Variants in PRPF18 observed in about 807,000 individuals in gnomAD.
PRPF18 encodes the protein pre-mRNA processing factor 18.
A neutral mutation model predicts 46.5 loss-of-function variants in PRPF18; 38 were observed. The observed-to-expected ratio is 0.82, with a 90% CI of 0.63 to 1.07. The LOEUF is 1.07. Among genes scored for constraint, PRPF18 ranks in the 50% least tolerant of loss-of-function variants. The pLI is 0.00. For synonymous variants in PRPF18, 152 were observed against 146.7 expected (o/e 1.04, Z -0.26); for missense variants, 263 against 410.0 (o/e 0.64, Z 3.10).
In PRPF18 at chr10:13,590,121, T is replaced by A. The variant is rs975815649; in HGVS notation, c.66+2969T>A. On this transcript the variant is annotated intron_variant, in intron 1 of 9. Transcript: ENST00000378572. Reference sequence around the variant, plus strand: ...TGCACCAATCTACAAAAATGATCATTAAAAAAAAAACTTTAGATTCTTCAG... The same window carrying A: ...TGCACCAATCTACAAAAATGATCATAAAAAAAAAAACTTTAGATTCTTCAG... 2.0e-5 allele frequency among the ~76,000 whole-genome samples: 3 copies of A among 149,900 alleles called. No individual in the cohort carries two copies. In the South Asian group the frequency reaches 6.3e-4, roughly 32 times the overall value.
intron 4 of PRPF18, among the ~76,000 whole-genome samples, chr10:13,609,687 C>T (rs371596677): frequency 3.9e-5 from 6 of 152,114 alleles, no homozygotes; most frequent in Non-Finnish European, 7.4e-5. Context: ...GCTGGGCAAA[C>T]GGGTTGGGGA....
Position 13,610,037 on chromosome 10 carries a change from A to G in PRPF18, c.364-2A>G. 6.3e-7 allele frequency: 1 copy of G among 1,594,060 alleles called. No homozygotes were observed. The highest frequency in any genetic ancestry group is 8.6e-7 in the Non-Finnish European group (1 of 1,166,904). On this transcript the variant is annotated splice_acceptor_variant, in intron 4 of 9. Coordinates refer to ENST00000378572, the MANE Select transcript of PRPF18 (RefSeq NM_003675.4). LOFTEE classifies it high-confidence loss of function. ...TGTTCTTCCTTTTTTTGCTTTTCTT[A>G]GGGATTGAGGAATGATTTGAAAGCA...
chr10:13,603,081 C>T (rs1043398761), intron 3 of PRPF18, among the ~76,000 whole-genome samples: 2 of 152,152 alleles, frequency 1.3e-5, no homozygotes, highest in African/African-American at 2.4e-5. Context: ...TAAAAGACGA[C>T]GTAGTTTTAA....
the PRPF18 span, chr10:13,640,736 CAT>C: frequency 4.8e-4 from 73 of 152,688 alleles, no homozygotes; most frequent in Middle Eastern, 6.8e-3. Context: ...TTTACTCTCA[CAT>C]GTTTTTGTTG....
chr10:13,610,179 G>A lies in PRPF18; in HGVS notation c.504G>A (p.Glu168=), dbSNP rs146313611. ...KVHEENTTIE[E]LEALGESLGK... ...ATGAGGAAAACACCACAATTGAAGA[G>A]TTAGAGGTAATCTCTACACCAAGCC... The change falls in exon 5 of 10, where the codon GAG becomes GAA. Residue 168 remains glutamate, a synonymous_variant. Transcript: ENST00000378572. 2.5e-5 allele frequency: 41 copies of A among 1,613,778 alleles called. No homozygotes were observed. In the African/African-American group the frequency reaches 4.4e-4, roughly 17 times the overall value.
chr10:13,611,589 C>G (rs1180644676), intron 5 of PRPF18, 26 bp from the exon 6 acceptor site: 1 of 1,597,148 alleles, frequency 6.3e-7, no homozygotes, highest in East Asian at 2.2e-5. Context: ...TATTAATGAA[C>G]AGAAGCATTG....
intron 1 of PRPF18, among the ~76,000 whole-genome samples, chr10:13,588,965 C>T (rs1008833642): frequency 2.6e-5 from 4 of 152,166 alleles, no homozygotes; most frequent in Non-Finnish European, 5.9e-5. Flanking sequence ...ACTCACTGAT[C>T]GATCATTTGG....
At chr10:13,621,149 TAAGGG>T (rs987297593) in intron 9 of PRPF18, among the ~76,000 whole-genome samples, 1 of 152,162 alleles carries the variant, frequency 6.6e-6, no homozygotes, top group Non-Finnish European at 1.5e-5. Context: ...TTGTCAAAAA[TAAGGG>T]AAGGAAGGTA....
chr10:13,635,991 C>T, the PRPF18 span, among the ~76,000 whole-genome samples: 11 of 151,970 alleles, frequency 7.2e-5, no homozygotes. Flanking sequence ...ATAGAAGAAC[C>T]GAGAACAGAA....
Position 13,630,461 on chromosome 10 carries a change from C to T in PRPF18, c.*121C>T. On this transcript the variant is annotated 3_prime_UTR_variant, in exon 10 of 10. Transcript: ENST00000378572. ...GGAGTTTCCAGTCTCTGAGTTCTAC[C>T]TGATGTAACTCTTGATTGGTTTTAA... The T allele has an allele frequency of 1.5e-6, 1 of 689,352 alleles. No homozygotes were observed. Among genetic ancestry groups the T allele is most frequent in the Non-Finnish European group, 2.4e-6 (1 of 418,546 alleles). 42.7% of individuals were successfully genotyped at this position (689,352 alleles called of 1,614,324 possible).
downstream of PRPF18, among the ~76,000 whole-genome samples, chr10:13,634,396 C>T (rs533480958): frequency 2.0e-5 from 3 of 152,306 alleles, no homozygotes; most frequent in South Asian, 2.1e-4. Context: ...TTCGAGCTGC[C>T]TTTTGGTGAT....
chr10:13,618,266 G>A (rs1301182969), intron 9 of PRPF18, among the ~76,000 whole-genome samples: 1 of 151,870 alleles, frequency 6.6e-6, no homozygotes, highest in Non-Finnish European at 1.5e-5. Context: ...AGGAAGGAAG[G>A]ATTACCATAA....
rs193075542 is a variant in PRPF18 at position 13,598,788 on chromosome 10, A to G, written c.144+1253A>G. On this transcript the variant is annotated intron_variant, in intron 2 of 9. Coordinates refer to ENST00000378572, the MANE Select transcript of PRPF18 (RefSeq NM_003675.4). ...TTGTCTAACACACACTTGGTCTGGA[A>G]TAAGAATCACTTACATAGGTTTACT... Among the ~76,000 whole-genome samples, 9 of 152,332 alleles carry G rather than the reference A, an allele frequency of 5.9e-5. 1 individual carries two copies. The highest frequency in any genetic ancestry group is 2.9e-5 in the Non-Finnish European group (2 of 68,014).
chr10:13,628,460 C>G (rs774220771), intron 9 of PRPF18, among the ~76,000 whole-genome samples: 1 of 152,172 alleles, frequency 6.6e-6, no homozygotes, highest in Non-Finnish European at 1.5e-5. Context: ...CTCCTGTATA[C>G]TTTAAATCAT....
intron 3 of PRPF18, among the ~76,000 whole-genome samples, chr10:13,604,656 T>G (rs2080159850): frequency 1.3e-5 from 2 of 152,166 alleles, no homozygotes; most frequent in Admixed American, 6.5e-5. Context: ...CATCTTAGTG[T>G]TTTTCCTGTG....
the PRPF18 span, chr10:13,648,019 C>CA: frequency 0.19 from 28,301 of 152,050 alleles, 2,753 homozygotes; most frequent in South Asian, 0.32. Flanking sequence ...CGGTACCAAA[C>CA]ACAGCTTCAC....
At chr10:13,621,549 G>C (rs78904652) in intron 9 of PRPF18, among the ~76,000 whole-genome samples, 1 of 152,112 alleles carries the variant, frequency 6.6e-6, no homozygotes, top group South Asian at 2.1e-4. Context: ...GATTGCCAGC[G>C]CTAGGTTGCT....
the PRPF18 span, chr10:13,652,329 A>C: frequency 2.3e-5 from 7 of 305,852 alleles, no homozygotes; most frequent in African/African-American, 1.5e-4. Context: ...TCTTAAGTGC[A>C]TAGGACCCTG....
intron 9 of PRPF18, among the ~76,000 whole-genome samples, chr10:13,622,443 A>G (rs1326864977): frequency 6.6e-6 from 1 of 152,140 alleles, no homozygotes; most frequent in Non-Finnish European, 1.5e-5. Flanking sequence ...ACACGGTTGG[A>G]AAAAAAGCCA....
Sources: allele counts gnomAD v4.1 joint callset (sites outside exome capture counted in the v4.1 genomes callset), GRCh38; gene constraint gnomAD v4.1.1; transcripts MANE v1.5; gene names NCBI Gene and HGNC (gene_info 2026-07-23, HGNC 2026-07-21).